Variants in ACP1 observed in about 807,000 individuals in gnomAD.
The protein encoded by ACP1 is acid phosphatase 1, also known as low molecular weight phosphotyrosine protein phosphatase.
Under a neutral mutation model 23.4 loss-of-function variants are expected in ACP1, and 23 were observed. That is an observed-to-expected ratio of 0.98 (90% confidence interval 0.71 to 1.39). The LOEUF (loss-of-function observed/expected upper bound fraction) is 1.39, where lower values mean the gene tolerates loss of function less well. ACP1 is among the 40% of genes most tolerant of loss of function. ACP1 has a pLI of 0.00. For synonymous variants in ACP1, 72 were observed against 67.2 expected, an observed-to-expected ratio of 1.07 and a Z score of -0.35; for missense variants, 180 against 197.7, an observed-to-expected ratio of 0.91 and a Z score of 0.54.
rs1337557985 is a variant in ACP1 at position 278,262 on chromosome 2, A to G, written c.*958A>G. ...TTTCAAAATAAACTGGGGAGTTATAAAAATACAACTAGAGATATAAATCTG... is the reference window on the plus strand; with the variant it reads ...TTTCAAAATAAACTGGGGAGTTATAGAAATACAACTAGAGATATAAATCTG... On this transcript the variant is annotated 3_prime_UTR_variant, in exon 6 of 6. Transcript: ENST00000272065. 1 of 152,220 alleles carries G rather than the reference A, an allele frequency of 6.6e-6. No individual in the cohort carries two copies. The highest frequency in any genetic ancestry group is 6.5e-5 in the Admixed American group (1 of 15,278). 9.4% of individuals were successfully genotyped at this position (152,220 alleles called of 1,614,324 possible).
chr2:270,473 C>T (rs1057252808), intron 1 of ACP1, among the ~76,000 whole-genome samples: 2 of 152,162 alleles, frequency 1.3e-5, no homozygotes, highest in African/African-American at 4.8e-5. Flanking sequence ...CTTTTAATAT[C>T]ATCTCTAATC....
intron 5 of ACP1, 64 bp from the exon 6 acceptor site, chr2:277,163 A>T (rs1243959972): frequency 1.5e-5 from 24 of 1,589,000 alleles, no homozygotes; most frequent in Non-Finnish European, 8.6e-7. Flanking sequence ...AACAGATGAG[A>T]TTGTGTTAAG....
At chr2:276,778 C>T (rs976353750) in intron 4 of ACP1, among the ~76,000 whole-genome samples, 7 of 152,096 alleles carry the variant, frequency 4.6e-5, no homozygotes, top group African/African-American at 9.7e-5. Flanking sequence ...AAGCTGCTGT[C>T]GCAAACTGTC....
At chr2:269,938 C>G (rs1669985903) in intron 1 of ACP1, among the ~76,000 whole-genome samples, 1 of 152,184 alleles carries the variant, frequency 6.6e-6, no homozygotes, top group Non-Finnish European at 1.5e-5. Context: ...GTCTTTGGGT[C>G]TTCATTTCTG....
chr2:265,823 T>G (rs1454417757), intron 1 of ACP1, among the ~76,000 whole-genome samples: 1 of 152,232 alleles, frequency 6.6e-6, no homozygotes, highest in African/African-American at 2.4e-5. Context: ...CTTTATCTCC[T>G]GTACCTTTTC....
At chr2:267,374 G>A (rs1669919147) in intron 1 of ACP1, among the ~76,000 whole-genome samples, 1 of 152,204 alleles carries the variant, frequency 6.6e-6, no homozygotes, top group African/African-American at 2.4e-5. Flanking sequence ...ATCGGTTGAT[G>A]TGAAGATTAA....
In ACP1 at chr2:277,667, A is replaced by T; in HGVS notation, c.*363A>T. ...TGTTGAGACTTAGATAATCGAGTCTACCTCTTCAGTAGGTTTGTGTGGATG... is the reference window on the plus strand; with the variant it reads ...TGTTGAGACTTAGATAATCGAGTCTTCCTCTTCAGTAGGTTTGTGTGGATG... On this transcript the variant is annotated 3_prime_UTR_variant, in exon 6 of 6. Coordinates refer to ENST00000272065, the MANE Select transcript of ACP1 (RefSeq NM_004300.4). The T allele has an allele frequency of 3.7e-6, 1 of 268,312 alleles. No individual in the cohort carries two copies. The highest frequency in any genetic ancestry group is 2.2e-5 in the African/African-American group (1 of 45,758). 16.6% of individuals were successfully genotyped at this position (268,312 alleles called of 1,614,324 possible).
chr2:265,822 C>G (rs187158909), intron 1 of ACP1, among the ~76,000 whole-genome samples: 158 of 152,324 alleles, frequency 1.0e-3, no homozygotes, highest in African/African-American at 3.7e-3. Context: ...ACTTTATCTC[C>G]TGTACCTTTT....
Position 272,681 on chromosome 2 carries a change from A to AT in ACP1, c.231+537dup, listed in dbSNP as rs1485051092. Reference sequence around the variant, plus strand: ...GAGGTTATATAATATATACAAAAACATTTTTTCAACTGTAAAGTGCCTTAG... The same window carrying AT: ...GAGGTTATATAATATATACAAAAACATTTTTTTCAACTGTAAAGTGCCTTAG... On this transcript the variant is annotated intron_variant, in intron 3 of 5. Coordinates refer to ENST00000272065, the MANE Select transcript of ACP1 (RefSeq NM_004300.4). The AT allele has an allele frequency of 2.0e-5, 6 of 300,872 alleles. No individual in the cohort carries two copies. In the East Asian group the frequency reaches 3.2e-4, roughly 16 times the overall value. 18.6% of individuals were successfully genotyped at this position (300,872 alleles called of 1,614,324 possible). A position where few individuals can be genotyped will look rare whatever the true frequency, so the allele number is the denominator to read the frequency against.
At chr2:272,607 T>C in intron 3 of ACP1, 1 of 704,944 alleles carries the variant, frequency 1.4e-6, no homozygotes. Context: ...TATTAAACAT[T>C]TAGGCCATAG....
intron 1 of ACP1, among the ~76,000 whole-genome samples, chr2:267,239 T>A (rs1669915716): frequency 6.6e-6 from 1 of 152,202 alleles, no homozygotes; most frequent in African/African-American, 2.4e-5. Context: ...TTTTTGTTGT[T>A]GTTGAGCATC....
rs1371107669 is a variant in ACP1 at position 277,891 on chromosome 2, C to T, written c.*587C>T. 6.5e-6 allele frequency: 1 copy of T among 152,848 alleles called. No individual in the cohort carries two copies. Among genetic ancestry groups the T allele is most frequent in the Non-Finnish European group, 1.5e-5 (1 of 68,500 alleles). 9.5% of individuals were successfully genotyped at this position (152,848 alleles called of 1,614,324 possible). A position where few individuals can be genotyped will look rare whatever the true frequency, so the allele number is the denominator to read the frequency against. On this transcript the variant is annotated 3_prime_UTR_variant, in exon 6 of 6. Transcript: ENST00000272065. ...CATTTATGGAATCAGTCGTTGGCAC[C>T]TTCAATACTTCATGATTTTTGTCGA...
At chr2:271,630 T>A (rs1449484494) in intron 1 of ACP1, among the ~76,000 whole-genome samples, 1 of 152,258 alleles carries the variant, frequency 6.6e-6, no homozygotes, top group Non-Finnish European at 1.5e-5. Flanking sequence ...CTTTGTCATC[T>A]GTACTTGGAG....
At chr2:275,491 T>G (rs1432986376) in intron 4 of ACP1, 1 of 213,920 alleles carries the variant, frequency 4.7e-6, no homozygotes, top group Non-Finnish European at 9.3e-6. Flanking sequence ...CATATTGTTC[T>G]GCATGAGAAC....
Position 272,113 on chromosome 2 carries a change from A to G in ACP1, c.194A>G (p.Lys65Arg), listed in dbSNP as rs1175751125. ...GACTACCGAGGGCAGAGCTGCATGA[A>G]GAGGCACGGCATTCCCATGAGCCAC... ...PPDYRGQSCM[K>R]RHGIPMSHVA... The change falls in exon 3 of 6, where the codon AAG becomes AGG. Residue 65 changes from lysine to arginine, a missense_variant. By Grantham distance (26) the Lys-to-Arg change is conservative. Coordinates refer to ENST00000272065, the MANE Select transcript of ACP1 (RefSeq NM_004300.4). The G allele has an allele frequency of 3.7e-6, 6 of 1,614,070 alleles. No individual in the cohort carries two copies. The African/African-American group carries it at 8.0e-5, about 22-fold the overall frequency.
Position 278,035 on chromosome 2 carries a change from T to C in ACP1, c.*731T>C, listed in dbSNP as rs2103077775. On this transcript the variant is annotated 3_prime_UTR_variant, in exon 6 of 6. Coordinates refer to ENST00000272065, the MANE Select transcript of ACP1 (RefSeq NM_004300.4). ...CTAGTCTATGGTCAGTTGAGGAATA[T>C]GACTGTTTTTATATGCACATGTAAC... 6.6e-6 allele frequency: 1 copy of C among 152,352 alleles called. No homozygotes were observed. The highest frequency in any genetic ancestry group is 1.9e-4 in the East Asian group (1 of 5,190). The allele number at this position is 152,352 out of a possible 1,614,324, so 9.4% of individuals were successfully genotyped here.
chr2:265,591 AT>A (rs28364676), intron 1 of ACP1, among the ~76,000 whole-genome samples: 45,611 of 152,024 alleles, frequency 0.3, 7,512 homozygotes, highest in East Asian at 0.59. Context: ...AGCTTAAATT[AT>A]TTTCACTCCT....
At chr2:268,651 T>G (rs1247238453) in intron 1 of ACP1, among the ~76,000 whole-genome samples, 2 of 152,190 alleles carry the variant, frequency 1.3e-5, no homozygotes, top group South Asian at 2.1e-4. Flanking sequence ...TCTCCATCCT[T>G]GAATTGAAGA....
intron 3 of ACP1, among the ~76,000 whole-genome samples, chr2:273,797 A>G (rs1312212897): frequency 6.6e-6 from 1 of 152,252 alleles, no homozygotes; most frequent in Admixed American, 6.5e-5. Flanking sequence ...TGAAAAATTT[A>G]CAATTAGTCC....
Sources: gnomAD v4.1 joint callset for allele counts (sites outside exome capture counted in the v4.1 genomes callset) on GRCh38, gnomAD v4.1.1 for gene constraint, MANE v1.5 for transcripts, NCBI Gene and HGNC (gene_info 2026-07-23, HGNC 2026-07-21) for gene names.